The following TMEM135 variants were observed in gnomAD, a reference collection of about 807,000 sequenced individuals.
The protein encoded by TMEM135 is peroxisomal membrane protein 52.
In TMEM135, 30 loss-of-function variants were observed where a neutral mutation model predicts 60.3. That is an observed-to-expected ratio of 0.50 (90% CI 0.37 to 0.68). The LOEUF (loss-of-function observed/expected upper bound fraction) is 0.68. Ranked by LOEUF, TMEM135 falls within the 30% of genes least tolerant of loss-of-function variation. TMEM135 has a pLI of 0.00. For missense variants in TMEM135, 468 were observed against 548.8 expected (o/e 0.85, Z 1.47); for synonymous variants, 190 against 186.7 (o/e 1.02, Z -0.14).
chr11:87,320,545 A>G (rs1019208825), intron 14 of TMEM135, among the ~76,000 whole-genome samples: 10 of 152,210 alleles, frequency 6.6e-5, no homozygotes, highest in African/African-American at 2.4e-4. Flanking sequence ...TCCAGAAAGG[A>G]AATGCTTGTG....
intron 6 of TMEM135, among the ~76,000 whole-genome samples, chr11:87,251,513 G>A (rs890316409): frequency 3.3e-5 from 5 of 152,084 alleles, no homozygotes; most frequent in African/African-American, 1.2e-4. Flanking sequence ...CTCATAGGTA[G>A]GGCTTTGAGG....
In TMEM135 at chr11:87,324,291, C is replaced by A. The variant is rs1942880793; in HGVS notation, c.*2958C>A. The A allele has an allele frequency of 2.2e-6, 1 of 453,964 alleles. No homozygotes were observed. The highest frequency in any genetic ancestry group is 4.4e-6 in the Non-Finnish European group (1 of 226,788). 28.1% of individuals were successfully genotyped at this position (453,964 alleles called of 1,614,324 possible). A position where few individuals can be genotyped will look rare whatever the true frequency, so the allele number is the denominator to read the frequency against. Reference sequence around the variant, plus strand: ...CTTCGTCCACTTGCCTGTGTCACAACCTCTCCCTTGGTGCTAATTAGGAAG... The same window carrying A: ...CTTCGTCCACTTGCCTGTGTCACAAACTCTCCCTTGGTGCTAATTAGGAAG... On this transcript the variant is annotated 3_prime_UTR_variant, in exon 15 of 15. Coordinates refer to ENST00000305494, the MANE Select transcript of TMEM135 (RefSeq NM_022918.4).
chr11:87,274,808 GT>G (rs1941936989), intron 6 of TMEM135, among the ~76,000 whole-genome samples: 1 of 150,128 alleles, frequency 6.7e-6, no homozygotes, highest in African/African-American at 2.5e-5. Flanking sequence ...GTGTGTGTGT[GT>G]GTGTGTGTGT....
chr11:87,173,885 C>G (rs749989046), intron 5 of TMEM135, among the ~76,000 whole-genome samples: 4 of 152,158 alleles, frequency 2.6e-5, no homozygotes, highest in Admixed American at 6.6e-5. Flanking sequence ...GTGCGCTCTG[C>G]TGTCTAGTGC....
chr11:87,098,774 C>T (rs539960961), intron 4 of TMEM135, among the ~76,000 whole-genome samples: 4 of 152,066 alleles, frequency 2.6e-5, no homozygotes, highest in South Asian at 2.1e-4. Context: ...CTGCAAGCTC[C>T]GCCTCCTGGG....
intron 3 of TMEM135, among the ~76,000 whole-genome samples, chr11:87,075,281 G>A (rs1856847518): frequency 1.3e-5 from 2 of 151,348 alleles, no homozygotes; most frequent in South Asian, 4.2e-4. Flanking sequence ...GCCTCAGCCT[G>A]CCGAGTAGCT....
In TMEM135 at chr11:87,121,770, G is replaced by C. The variant is rs1258705915; in HGVS notation, c.396+30375G>C. 2.0e-5 allele frequency among the ~76,000 whole-genome samples: 3 copies of C among 151,290 alleles called. No homozygotes were observed. The Admixed American group carries it at 2.0e-4, about 10-fold the overall frequency. ...ATTTCCTGCCTCAGCCTCCTGAGTA[G>C]CAGGGACTACAGGTACACGCCACCA... On this transcript the variant is annotated intron_variant, in intron 4 of 14. Transcript: ENST00000305494.
At chr11:87,168,339 T>C (rs534955223) in intron 5 of TMEM135, among the ~76,000 whole-genome samples, 1 of 152,142 alleles carries the variant, frequency 6.6e-6, no homozygotes, top group Non-Finnish European at 1.5e-5. Flanking sequence ...TTTCTTGTCT[T>C]CTACTTGCTT....
chr11:87,131,341 A>AATCCCCTGTGCTCTACCTGTTC (rs150087331), intron 4 of TMEM135, among the ~76,000 whole-genome samples: 3 of 151,742 alleles, frequency 2.0e-5, no homozygotes, highest in African/African-American at 4.8e-5. Flanking sequence ...CTGCCCTGAA[A>AATCCCCTGTGCTCTACCTGTTC]ATCCCTTGCA....
chr11:87,301,403 A>G (rs567525260), intron 7 of TMEM135, among the ~76,000 whole-genome samples: 1 of 152,146 alleles, frequency 6.6e-6, no homozygotes, highest in African/African-American at 2.4e-5. Context: ...ACAGGCGTAC[A>G]CCACCATGCC....
chr11:87,252,803 T>TGTGTGTGTGTGG (rs1391137173), intron 6 of TMEM135, among the ~76,000 whole-genome samples: 1 of 147,750 alleles, frequency 6.8e-6, no homozygotes, highest in African/African-American at 2.5e-5. Context: ...TATATATGTG[T>TGTGTGTGTGTGG]GTGTGTGTGT....
intron 7 of TMEM135, among the ~76,000 whole-genome samples, chr11:87,301,203 T>C (rs1942441705): frequency 1.3e-5 from 2 of 152,150 alleles, no homozygotes; most frequent in South Asian, 4.1e-4. Flanking sequence ...AACAGCTTTT[T>C]CTTTCTAAGT....
intron 1 of TMEM135, among the ~76,000 whole-genome samples, chr11:87,063,675 A>G (rs1473202201): frequency 1.3e-5 from 2 of 152,196 alleles, no homozygotes; most frequent in Non-Finnish European, 2.9e-5. Flanking sequence ...TAACTAGACT[A>G]CTGAGAGGAT....
intron 1 of TMEM135, among the ~76,000 whole-genome samples, chr11:87,045,365 T>C (rs899695591): frequency 3.9e-5 from 6 of 152,144 alleles, no homozygotes; most frequent in African/African-American, 1.2e-4. Context: ...TGTTATTCTT[T>C]GGCTGCTCTC....
Position 87,055,065 on chromosome 11 carries a change from C to G in TMEM135, c.142-12629C>G, listed in dbSNP as rs180771004. On this transcript the variant is annotated intron_variant, in intron 1 of 14. Coordinates refer to ENST00000305494, the MANE Select transcript of TMEM135 (RefSeq NM_022918.4). Reference sequence around the variant, plus strand: ...GGGGAAGGTAAACTTTAAATAAATACGAAATTATCTGTGGTAAGTGCTATT... The same window carrying G: ...GGGGAAGGTAAACTTTAAATAAATAGGAAATTATCTGTGGTAAGTGCTATT... Among the ~76,000 whole-genome samples, 132 of 152,138 alleles carry G rather than the reference C, an allele frequency of 8.7e-4. 1 individual carries two copies. Among genetic ancestry groups the G allele is most frequent in the Non-Finnish European group, 5.7e-4 (39 of 67,996 alleles).
chr11:87,310,806 C>T (rs1450962596), intron 10 of TMEM135, among the ~76,000 whole-genome samples: 4 of 151,678 alleles, frequency 2.6e-5, no homozygotes, highest in South Asian at 2.1e-4. Context: ...TTTTAATCTA[C>T]AATCACAAAT....
chr11:87,195,391 T>TCTCTCTCTTTC (rs1555116639), intron 5 of TMEM135, among the ~76,000 whole-genome samples: 1 of 65,758 alleles, frequency 1.5e-5, no homozygotes, highest in South Asian at 5.1e-4. Flanking sequence ...CCTTCCTTCC[T>TCTCTCTCTTTC]TCTCTCTCTC....
chr11:87,102,702 A>ATGTATATATATGTATATATATATATG (rs1857485499), intron 4 of TMEM135, among the ~76,000 whole-genome samples: 1 of 82,834 alleles, frequency 1.2e-5, no homozygotes, highest in South Asian at 3.5e-4. Flanking sequence ...GTATATATAT[A>ATGTATATATATGTATATATATATATG]TGTATATATA....
chr11:87,270,978 C>CT (rs1941851897), intron 6 of TMEM135, among the ~76,000 whole-genome samples: 1 of 150,962 alleles, frequency 6.6e-6, no homozygotes, highest in Non-Finnish European at 1.5e-5. Flanking sequence ...TTTTTAGAAA[C>CT]TTTTTCAGAT....
Sources: gnomAD v4.1 joint callset for allele counts (sites outside exome capture counted in the v4.1 genomes callset) on GRCh38, gnomAD v4.1.1 for gene constraint, MANE v1.5 for transcripts, NCBI Gene and HGNC (gene_info 2026-07-23, HGNC 2026-07-21) for gene names.